The following WDR88 variants were observed in gnomAD, a reference collection of about 807,000 sequenced individuals.
WDR88 encodes WD repeat domain 88, also known as WD repeat-containing protein 88.
WDR88 carries 40 observed loss-of-function variants against 46.8 expected under a neutral mutation model. The observed-to-expected ratio is 0.86, with a 90% CI of 0.66 to 1.11. The LOEUF (loss-of-function observed/expected upper bound fraction) is 1.11, where lower values mean the gene tolerates loss of function less well. WDR88 is among the 50% of genes most tolerant of loss of function. The pLI, the probability that WDR88 is intolerant of heterozygous loss-of-function variation, is 0.00. For synonymous variants in WDR88, 235 were observed against 240.7 expected, an observed-to-expected ratio of 0.98 and a Z score of 0.22; for missense variants, 562 against 602.4, an observed-to-expected ratio of 0.93 and a Z score of 0.70.
rs759519170 is a variant in WDR88 at position 33,151,292 on chromosome 19, C to T, written c.791C>T (p.Thr264Met). The T allele has an allele frequency of 1.8e-5, 29 of 1,613,024 alleles. No homozygotes were observed. In the Middle Eastern group the frequency reaches 1.0e-3, roughly 55 times the overall value. Residue 264 changes from threonine to methionine, a missense_variant, in exon 6 of 11, where the codon ACG becomes ATG. Coordinates refer to ENST00000355868, the MANE Select transcript of WDR88 (RefSeq NM_173479.4). ...ATCTGGGATGTTACATCCCAGGCCACGCTGCTCACCATCACTAAGTGAGTT... is the reference window on the plus strand; with the variant it reads ...ATCTGGGATGTTACATCCCAGGCCATGCTGCTCACCATCACTAAGTGAGTT... ...IKIWDVTSQA[T>M]LLTITKAHSN... is the part of the protein sequence containing the mutation.
At chr19:33,170,650 C>G (rs1157316182) in intron 9 of WDR88, among the ~76,000 whole-genome samples, 1 of 152,106 alleles carries the variant, frequency 6.6e-6, no homozygotes, top group Non-Finnish European at 1.5e-5. Context: ...TGCCTGAGCT[C>G]AGGAGTTTGA....
chr19:33,144,619 A>G (rs563255236), intron 2 of WDR88, among the ~76,000 whole-genome samples: 1 of 152,324 alleles, frequency 6.6e-6, no homozygotes, highest in South Asian at 2.1e-4. Flanking sequence ...ATTGCGGGGT[A>G]ATTTCCCATG....
At chr19:33,163,202 G>A (rs1035915680) in intron 8 of WDR88, among the ~76,000 whole-genome samples, 1 of 151,186 alleles carries the variant, frequency 6.6e-6, no homozygotes, top group Non-Finnish European at 1.5e-5. Context: ...GTGTGGTGGC[G>A]GGCGCCTGTA....
chr19:33,152,271 A>T (rs1050647759), intron 6 of WDR88, among the ~76,000 whole-genome samples: 2 of 151,510 alleles, frequency 1.3e-5, no homozygotes, highest in African/African-American at 4.9e-5. Flanking sequence ...ACAACATAAA[A>T]CATGATATTT....
intron 8 of WDR88, among the ~76,000 whole-genome samples, chr19:33,162,347 C>T (rs1480046299): frequency 1.3e-5 from 2 of 151,732 alleles, no homozygotes; most frequent in Non-Finnish European, 2.9e-5. Flanking sequence ...ACTACAGGTG[C>T]CCACCACCAT....
At chr19:33,141,438 C>T (rs1044349741) in intron 2 of WDR88, among the ~76,000 whole-genome samples, 7 of 151,982 alleles carry the variant, frequency 4.6e-5, no homozygotes, top group African/African-American at 9.7e-5. Context: ...CTGTGTTGCC[C>T]GGGCTGGTCT....
intron 8 of WDR88, among the ~76,000 whole-genome samples, chr19:33,162,202 T>C (rs541726284): frequency 6.6e-6 from 1 of 151,884 alleles, no homozygotes; most frequent in East Asian, 2.0e-4. Context: ...GCTGTTTTTT[T>C]TGTTTGTTTT....
Position 33,132,286 on chromosome 19 carries a change from G to A in WDR88, c.117G>A (p.Ala39=), listed in dbSNP as rs2145351360. Residue 39 remains alanine, a synonymous_variant, in exon 1 of 11, where the codon GCG becomes GCA. Coordinates refer to ENST00000355868, the MANE Select transcript of WDR88 (RefSeq NM_173479.4). ...CPGKLSWGTM[A]RALGRFKLSI... is the part of the protein sequence containing the mutation. ...GCAAGCTGTCCTGGGGGACCATGGC[G>A]AGGGCCTTAGGCCGCTTCAAGCTGT... 6.2e-7 allele frequency: 1 copy of A among 1,613,588 alleles called. No homozygotes were observed. The highest frequency in any genetic ancestry group is 8.5e-7 in the Non-Finnish European group (1 of 1,179,992).
At chr19:33,162,779 G>C (rs898657792) in intron 8 of WDR88, among the ~76,000 whole-genome samples, 1 of 152,146 alleles carries the variant, frequency 6.6e-6, no homozygotes, top group African/African-American at 2.4e-5. Flanking sequence ...CTACTCGGGA[G>C]GCTGAGGCAG....
intron 7 of WDR88, among the ~76,000 whole-genome samples, chr19:33,157,615 GTATA>G (rs542492234): frequency 6.4e-5 from 9 of 140,130 alleles, no homozygotes; most frequent in African/African-American, 2.4e-4. Flanking sequence ...ATATATATGT[GTATA>G]TATATATGTA....
intron 6 of WDR88, among the ~76,000 whole-genome samples, chr19:33,154,288 C>T (rs1416821505): frequency 6.6e-6 from 1 of 152,028 alleles, no homozygotes; most frequent in African/African-American, 2.4e-5. Context: ...ACATGTGCCA[C>T]GGTGGTTTGC....
chr19:33,175,761 T>C lies in WDR88; in HGVS notation c.*189T>C, dbSNP rs1159589042. 9.9e-6 allele frequency: 6 copies of C among 603,576 alleles called. No homozygotes were observed. The highest frequency in any genetic ancestry group is 1.7e-5 in the Non-Finnish European group (6 of 343,326). The allele number at this position is 603,576 out of a possible 1,614,324, so 37.4% of individuals were successfully genotyped here. ...CTCTCAGCTTGGGGAGTGAACACTT[T>C]CCGTTTTCATGCAGAATAAATCTAA... On this transcript the variant is annotated 3_prime_UTR_variant, in exon 11 of 11. Coordinates refer to ENST00000355868, the MANE Select transcript of WDR88 (RefSeq NM_173479.4).
intron 6 of WDR88, among the ~76,000 whole-genome samples, chr19:33,153,566 C>G (rs545288224): frequency 1.7e-4 from 26 of 152,260 alleles, no homozygotes; most frequent in Admixed American, 3.3e-4. Context: ...GCAATCTCGG[C>G]TCGCTGCAAC....
intron 9 of WDR88, among the ~76,000 whole-genome samples, chr19:33,171,116 G>C (rs1055870961): frequency 8.5e-5 from 13 of 152,126 alleles, no homozygotes; most frequent in Admixed American, 2.0e-4. Flanking sequence ...CTCCTGAGTA[G>C]CTGGGATTAC....
chr19:33,169,434 C>T (rs747588337), intron 9 of WDR88, among the ~76,000 whole-genome samples: 6 of 152,136 alleles, frequency 3.9e-5, no homozygotes, highest in Admixed American at 1.3e-4. Flanking sequence ...GCAAAAGACT[C>T]GAATAGGCAT....
chr19:33,138,645 C>A (rs1973325762), intron 2 of WDR88, among the ~76,000 whole-genome samples: 1 of 151,440 alleles, frequency 6.6e-6, no homozygotes, highest in Non-Finnish European at 1.5e-5. Flanking sequence ...CCGTGCCTGG[C>A]CCCCACACCT....
chr19:33,133,194 A>AATAT (rs140377163), intron 1 of WDR88, among the ~76,000 whole-genome samples: 1 of 49,410 alleles, frequency 2.0e-5, no homozygotes, highest in African/African-American at 4.9e-5. Flanking sequence ...TAAATAAATA[A>AATAT]ATATAGAGAG....
intron 9 of WDR88, among the ~76,000 whole-genome samples, chr19:33,167,281 C>T (rs1973967887): frequency 6.6e-6 from 1 of 151,532 alleles, no homozygotes; most frequent in African/African-American, 2.4e-5. Flanking sequence ...TAATATATTA[C>T]ATTAATAGAA....
In WDR88 at chr19:33,132,256, T is replaced by C; in HGVS notation, c.87T>C (p.Cys29=). The part of the protein sequence containing the change: ...PPPSAPASEY[C]PGKLSWGTMA... ...CCTCCGCCCCCGCCAGCGAGTATTGTCCCGGCAAGCTGTCCTGGGGGACCA... is the reference window on the plus strand; with the variant it reads ...CCTCCGCCCCCGCCAGCGAGTATTGCCCCGGCAAGCTGTCCTGGGGGACCA... Residue 29 remains cysteine, a synonymous_variant, in exon 1 of 11, where the codon TGT becomes TGC. Coordinates refer to ENST00000355868, the MANE Select transcript of WDR88 (RefSeq NM_173479.4). The C allele has an allele frequency of 6.2e-7, 1 of 1,612,982 alleles. No individual in the cohort carries two copies.
Sources: gnomAD v4.1 joint callset for allele counts (sites outside exome capture counted in the v4.1 genomes callset) on GRCh38, gnomAD v4.1.1 for gene constraint, MANE v1.5 for transcripts, NCBI Gene and HGNC (gene_info 2026-07-23, HGNC 2026-07-21) for gene names.